Variants in ECE1 observed in about 807,000 individuals in gnomAD.
ECE1 encodes endothelin-converting enzyme 1.
A neutral mutation model predicts 98.6 loss-of-function variants in ECE1; 35 were observed. The observed-to-expected ratio is 0.35, with a 90% CI of 0.27 to 0.47. The LOEUF (loss-of-function observed/expected upper bound fraction) is 0.47, where lower values mean the gene tolerates loss of function less well. ECE1 is among the 20% of genes least tolerant of loss of function. The pLI is 1.00. For synonymous variants in ECE1, 394 were observed against 407.1 expected (o/e 0.97, Z 0.39); for missense variants, 814 against 1,025.3 (o/e 0.79, Z 2.81).
chr1:21,290,075 G>A lies in ECE1; in HGVS notation c.133C>T (p.Leu45=), dbSNP rs753049926. The change falls in exon 2 of 19, where the codon CTG becomes TTG. Residue 45 remains leucine (L), a synonymous_variant. Coordinates refer to ENST00000374893, the MANE Select transcript of ECE1 (RefSeq NM_001397.3). The surrounding 1 kb of genome is among the most constrained non-coding windows in gnomAD (Gnocchi z 7.3). Reference sequence around the variant, plus strand: ...AGGGAGCGGAGGGCGCCTACCTGCAGGCCGTTGGGGTATGCGTCGCCCTCG... The same window carrying A: ...AGGGAGCGGAGGGCGCCTACCTGCAAGCCGTTGGGGTATGCGTCGCCCTCG... The part of the protein sequence containing the change: ...LSEGDAYPNG[L]QVNFHSPRSG... The A allele has an allele frequency of 2.0e-6, 3 of 1,499,570 alleles. No homozygotes were observed. 92.9% of individuals were successfully genotyped at this position (1,499,570 alleles called of 1,614,324 possible).
At position 21,247,487 on chromosome 1, in the gene ECE1, C is replaced by T. The variant is rs1025732016; in HGVS notation, c.1021-124G>A. The T allele has an allele frequency of 4.7e-5, 67 of 1,428,466 alleles. No homozygotes were observed. The East Asian group carries it at 5.6e-4, about 12-fold the overall frequency. 88.5% of individuals were successfully genotyped at this position (1,428,466 alleles called of 1,614,324 possible). On this transcript the variant is annotated intron_variant, in intron 8 of 18. Transcript: ENST00000374893. ...GGCTTGGCGCCATCTGACAGCGCACCGGGCAGAGAGTCAAGCGGAGCCTGG... is the reference window on the plus strand; with the variant it reads ...GGCTTGGCGCCATCTGACAGCGCACTGGGCAGAGAGTCAAGCGGAGCCTGG...
rs1553369246 is a variant in ECE1, at chr1:21,305,730, A to G, written c.4-15574T>C. The stretch of plus-strand genomic sequence containing the variant: ...GTAAAGAGACAACAGGCTGGGCTCC[A>G]CTCTGTGGGTTTGGGAGGGAGGGCT... On this transcript the variant is annotated intron_variant, in intron 1 of 18. Coordinates refer to the ECE1 transcript ENST00000415912. 5.9e-5 allele frequency among the ~76,000 whole-genome samples: 9 copies of G among 152,188 alleles called. No homozygotes were observed. The South Asian group carries it at 1.2e-3, about 21-fold the overall frequency.
upstream of ECE1, chr1:21,293,719 C>T (rs1378331016): frequency 2.0e-5 from 3 of 152,138 alleles, no homozygotes; most frequent in African/African-American, 7.2e-5. Flanking sequence ...TTGGCGGGCT[C>T]TGCTTGGTGG....
At chr1:21,309,739 A>G (rs1270127719) in intron 1 of ECE1, among the ~76,000 whole-genome samples, 1 of 151,928 alleles carries the variant, frequency 6.6e-6, no homozygotes, top group Admixed American at 6.6e-5. Context: ...AGGGCTGTTA[A>G]TGATAAAAAC....
At chr1:21,323,994 GTAT>G (rs1482545196) in intron 1 of ECE1, among the ~76,000 whole-genome samples, 1 of 151,580 alleles carries the variant, frequency 6.6e-6, no homozygotes, top group Non-Finnish European at 1.5e-5. Flanking sequence ...TAATTTTTTT[GTAT>G]TTTTAGTAGA....
chr1:21,333,346 GGGGGTGGGT>G (rs1439218846), intron 1 of ECE1, among the ~76,000 whole-genome samples: 1 of 151,940 alleles, frequency 6.6e-6, no homozygotes, highest in Non-Finnish European at 1.5e-5. Flanking sequence ...GGGGGGGCGG[GGGGGTGGGT>G]GGGTAGTAGT....
chr1:21,331,180 A>G (rs1569775911), intron 1 of ECE1, among the ~76,000 whole-genome samples: 1 of 152,120 alleles, frequency 6.6e-6, no homozygotes, highest in Non-Finnish European at 1.5e-5. Context: ...AGGCGGGTGG[A>G]TCACTTGAGG....
chr1:21,284,361 G>T (rs754314343), intron 2 of ECE1, among the ~76,000 whole-genome samples: 2 of 152,218 alleles, frequency 1.3e-5, no homozygotes, highest in Admixed American at 1.3e-4. Context: ...AAGAGGCAGC[G>T]CTGATGCCTG....
chr1:21,278,528 G>A (rs369980516), intron 3 of ECE1, among the ~76,000 whole-genome samples: 2 of 152,220 alleles, frequency 1.3e-5, no homozygotes, highest in East Asian at 1.9e-4. Flanking sequence ...TAGCCTGTGG[G>A]TGAATTCCAA....
At chr1:21,279,721 C>A in intron 2 of ECE1, 1 of 1,314,616 alleles carries the variant, frequency 7.6e-7, no homozygotes, top group African/African-American at 1.5e-5. Context: ...GCCCCCACAT[C>A]AGCGGGGTCA....
At chr1:21,313,752 G>A (rs1405960121) in intron 1 of ECE1, among the ~76,000 whole-genome samples, 1 of 152,166 alleles carries the variant, frequency 6.6e-6, no homozygotes, top group Non-Finnish European at 1.5e-5. Flanking sequence ...CTATAAAATG[G>A]GGACATGTGA....
chr1:21,345,245 G>C lies in ECE1; in HGVS notation c.3+131C>G. ...ACTCCACGCCTTCCGAGAGCCGGGCGGGGGCTGCTGCTGCAGCCGGCGCCC... is the reference window on the plus strand; with the variant it reads ...ACTCCACGCCTTCCGAGAGCCGGGCCGGGGCTGCTGCTGCAGCCGGCGCCC... On this transcript the variant is annotated intron_variant, in intron 1 of 18. Transcript: ENST00000415912. This position sits in a 1 kb window ranked among gnomAD's most constrained non-coding sequence, Gnocchi z 5.1. The C allele has an allele frequency of 3.5e-6, 4 of 1,145,752 alleles. No homozygotes were observed. Among genetic ancestry groups the C allele is most frequent in the Non-Finnish European group, 4.3e-6 (4 of 926,676 alleles). The allele number at this position is 1,145,752 out of a possible 1,614,324, so 71.0% of individuals were successfully genotyped here.
chr1:21,328,367 C>T (rs958441803), intron 1 of ECE1, among the ~76,000 whole-genome samples: 2 of 152,226 alleles, frequency 1.3e-5, no homozygotes, highest in Non-Finnish European at 2.9e-5. Context: ...CCATTCTAGA[C>T]CTTGTGCCTG....
chr1:21,264,675 C>T (rs967363178), intron 4 of ECE1, among the ~76,000 whole-genome samples: 18 of 152,194 alleles, frequency 1.2e-4, no homozygotes, highest in Non-Finnish European at 2.4e-4. Flanking sequence ...GGCAATACTG[C>T]CCCCAGGAAT....
intron 3 of ECE1, among the ~76,000 whole-genome samples, chr1:21,275,543 C>T (rs966261147): frequency 2.6e-5 from 4 of 152,126 alleles, no homozygotes; most frequent in African/African-American, 7.2e-5. Context: ...TGCAGTGAGC[C>T]AAGATCGCGC....
At chr1:21,341,974 C>T (rs951674037) in intron 1 of ECE1, among the ~76,000 whole-genome samples, 2 of 152,144 alleles carry the variant, frequency 1.3e-5, no homozygotes, top group African/African-American at 4.8e-5. Context: ...AGTGTTTCTA[C>T]ATACATTGTA....
At chr1:21,230,960 C>G (rs565338275) in intron 14 of ECE1, among the ~76,000 whole-genome samples, 1 of 152,134 alleles carries the variant, frequency 6.6e-6, no homozygotes, top group East Asian at 1.9e-4. Context: ...TCCTGAGTAA[C>G]TGGGATTACA....
At chr1:21,301,338 C>CA (rs1638478435) in intron 1 of ECE1, among the ~76,000 whole-genome samples, 1 of 151,748 alleles carries the variant, frequency 6.6e-6, no homozygotes, top group African/African-American at 2.4e-5. Context: ...ACTAAAAATA[C>CA]AAAAAATTAG....
intron 9 of ECE1, among the ~76,000 whole-genome samples, chr1:21,246,967 G>C (rs1446798442): frequency 6.6e-6 from 1 of 152,222 alleles, no homozygotes; most frequent in Non-Finnish European, 1.5e-5. Context: ...GGTGATATTT[G>C]TATCACCATT....
Sources: gnomAD v4.1 joint callset for allele counts (sites outside exome capture counted in the v4.1 genomes callset) on GRCh38, gnomAD v4.1.1 for gene constraint, Gnocchi (gnomAD v3.1) non-coding constraint, MANE v1.5 for transcripts, NCBI Gene and HGNC (gene_info 2026-07-23, HGNC 2026-07-21) for gene names.